Variants in RNF216 observed in about 807,000 individuals in gnomAD.
RNF216 encodes the protein ring finger protein 216.
In RNF216, 72 loss-of-function variants were observed where a neutral mutation model predicts 110.8. The ratio of observed to expected loss-of-function variants is 0.65; its 90% confidence interval spans 0.54 to 0.79. The LOEUF is 0.79. Ranked by LOEUF, RNF216 falls within the 30% of genes least tolerant of loss-of-function variation. RNF216 has a pLI of 0.00. For synonymous variants in RNF216, 495 were observed against 407.5 expected, an observed-to-expected ratio of 1.21 and a Z score of -2.59; for missense variants, 1,342 against 1,141.2, an observed-to-expected ratio of 1.18 and a Z score of -2.54.
chr7:5,773,005 A>C (rs1796579730), intron 1 of RNF216, among the ~76,000 whole-genome samples: 1 of 151,402 alleles, frequency 6.6e-6, no homozygotes, highest in Non-Finnish European at 1.5e-5. Context: ...GTCTCGAACT[A>C]CTGACCTCTG....
At chr7:5,738,416 T>C (rs957331630) in intron 5 of RNF216, among the ~76,000 whole-genome samples, 15 of 151,652 alleles carry the variant, frequency 9.9e-5, no homozygotes, top group Admixed American at 8.5e-4. Flanking sequence ...ATAATGAAAA[T>C]TAAGAAATAT....
At chr7:5,745,575 T>C (rs557842076) in intron 3 of RNF216, among the ~76,000 whole-genome samples, 5 of 152,030 alleles carry the variant, frequency 3.3e-5, no homozygotes, top group South Asian at 4.2e-4. Context: ...CAGATAATAA[T>C]GGTAAGGTGA....
intron 13 of RNF216, among the ~76,000 whole-genome samples, chr7:5,703,485 G>A (rs1263092020): frequency 6.6e-6 from 1 of 152,216 alleles, no homozygotes. Flanking sequence ...GGCTGCAGAT[G>A]CCTGTTTTTT....
intron 2 of RNF216, among the ~76,000 whole-genome samples, chr7:5,758,170 C>T (rs979488371): frequency 5.9e-5 from 9 of 151,910 alleles, no homozygotes; most frequent in African/African-American, 2.2e-4. Context: ...TATTTAAGAT[C>T]CAATTAAAAA....
chr7:5,741,863 T>C (rs577035641), intron 3 of RNF216, 48 bp from the exon 4 acceptor site: 1 of 1,545,004 alleles, frequency 6.5e-7, no homozygotes, highest in African/African-American at 1.4e-5. Context: ...CCTATGCCTA[T>C]CCCTCCTTAT....
chr7:5,774,530 C>T (rs1041525180), intron 1 of RNF216, among the ~76,000 whole-genome samples: 1 of 152,168 alleles, frequency 6.6e-6, no homozygotes, highest in Non-Finnish European at 1.5e-5. Flanking sequence ...CTGATATATA[C>T]TAAGTGTGAC....
chr7:5,718,549 C>G (rs1044396619), intron 9 of RNF216, among the ~76,000 whole-genome samples: 19 of 150,586 alleles, frequency 1.3e-4, no homozygotes, highest in Admixed American at 6.6e-4. Flanking sequence ...AATAACCCAC[C>G]CTTTTTTTTT....
intron 1 of RNF216, among the ~76,000 whole-genome samples, chr7:5,769,455 G>T (rs1796379441): frequency 6.6e-6 from 1 of 151,640 alleles, no homozygotes; most frequent in East Asian, 2.0e-4. Context: ...GGGCGTGGTG[G>T]CTCATGCCTG....
intron 13 of RNF216, among the ~76,000 whole-genome samples, chr7:5,653,993 G>C (rs1404814920): frequency 6.6e-6 from 1 of 152,198 alleles, no homozygotes; most frequent in Non-Finnish European, 1.5e-5. Context: ...TTTATCCTAT[G>C]AGCACTAGGA....
At chr7:5,652,661 ATCTTT>A (rs1788469720) in intron 13 of RNF216, 151 bp from the exon 14 acceptor site, 1 of 601,336 alleles carries the variant, frequency 1.7e-6, no homozygotes, top group South Asian at 1.9e-5. Context: ...TTCTAAAGAC[ATCTTT>A]TAATAGAAGA....
chr7:5,754,719 G>C (rs1433662537), intron 2 of RNF216, among the ~76,000 whole-genome samples: 2 of 152,054 alleles, frequency 1.3e-5, no homozygotes, highest in African/African-American at 2.4e-5. Flanking sequence ...ACACAATCTT[G>C]GTGTACCCAA....
Position 5,752,951 on chromosome 7 carries a change from G to A in RNF216, c.96C>T (p.Ile32=). 1.2e-6 allele frequency: 2 copies of A among 1,611,612 alleles called. No individual in the cohort carries two copies. Among genetic ancestry groups the A allele is most frequent in the Non-Finnish European group, 1.7e-6 (2 of 1,178,990 alleles). The part of the protein sequence containing the change: ...QEWINLRDGP[I]TISDSSDEER... ...CCTCATCTGAGGAGTCAGATATGGT[G>A]ATGGGCCCATCTCGGAGATTGATCC... The change falls in exon 3 of 17, where the codon ATC becomes ATT. Residue 32 remains isoleucine, a synonymous_variant. Transcript: ENST00000389902.
At chr7:5,630,543 T>C (rs1410016346) in intron 15 of RNF216, among the ~76,000 whole-genome samples, 2 of 152,112 alleles carry the variant, frequency 1.3e-5, no homozygotes, top group Non-Finnish European at 2.9e-5. Flanking sequence ...CATGCCCAGC[T>C]AATTTTTAAT....
chr7:5,750,538 T>C (rs1795275420), intron 3 of RNF216, among the ~76,000 whole-genome samples: 1 of 152,242 alleles, frequency 6.6e-6, no homozygotes, highest in Non-Finnish European at 1.5e-5. Context: ...GAGTTTTTAT[T>C]ATCTACCTGT....
intron 9 of RNF216, among the ~76,000 whole-genome samples, chr7:5,718,119 G>A (rs951105819): frequency 1.3e-5 from 2 of 152,188 alleles, no homozygotes; most frequent in African/African-American, 2.4e-5. Flanking sequence ...AGTGGCTCAC[G>A]CCTATAATCC....
At chr7:5,781,269 C>T (rs1382713512) in intron 1 of RNF216, among the ~76,000 whole-genome samples, 1 of 152,134 alleles carries the variant, frequency 6.6e-6, no homozygotes, top group Non-Finnish European at 1.5e-5. Context: ...GGGGCCGGCC[C>T]GCGAAACTTC....
intron 1 of RNF216, among the ~76,000 whole-genome samples, chr7:5,764,784 C>T (rs1255266841): frequency 1.3e-5 from 2 of 152,012 alleles, no homozygotes; most frequent in South Asian, 2.1e-4. Flanking sequence ...GTAAGGGTAG[C>T]GGCTGGGTGC....
At chr7:5,649,133 G>A (rs886658073) in intron 14 of RNF216, among the ~76,000 whole-genome samples, 8 of 152,328 alleles carry the variant, frequency 5.3e-5, no homozygotes, top group South Asian at 2.1e-4. Context: ...TGTAATCCCA[G>A]TACTTTGGGA....
rs141624175 is a variant in RNF216 at position 5,669,616 on chromosome 7, G to A, written c.2062-17106C>T. Reference sequence around the variant, plus strand: ...GTTGAAACTGAGACTGTGTTGGCCAGGTGCAGTGGTTCACGCCTGTAATCC... The same window carrying A: ...GTTGAAACTGAGACTGTGTTGGCCAAGTGCAGTGGTTCACGCCTGTAATCC... On this transcript the variant is annotated intron_variant, in intron 13 of 16. Coordinates refer to ENST00000389902, the MANE Select transcript of RNF216 (RefSeq NM_207111.4). Among the ~76,000 whole-genome samples the A allele has an allele frequency of 1.8e-4, 27 of 152,310 alleles. No homozygotes were observed. In the East Asian group the frequency reaches 4.4e-3, roughly 25 times the overall value.
Sources: gnomAD v4.1 joint callset for allele counts (sites outside exome capture counted in the v4.1 genomes callset) on GRCh38, gnomAD v4.1.1 for gene constraint, MANE v1.5 for transcripts, NCBI Gene and HGNC (gene_info 2026-07-23, HGNC 2026-07-21) for gene names.